Variants in GLRA1 observed in about 807,000 individuals in gnomAD.
GLRA1 encodes the protein glycine receptor subunit alpha-1.
In GLRA1, 37 loss-of-function variants were observed where a neutral mutation model predicts 48.3. That is an observed-to-expected ratio of 0.77 (90% CI 0.59 to 1.01). The LOEUF (loss-of-function observed/expected upper bound fraction) is 1.01. Ranked by LOEUF, GLRA1 falls within the 50% of genes least tolerant of loss-of-function variation. The pLI is 0.00. For synonymous variants in GLRA1, 196 were observed against 210.7 expected, an observed-to-expected ratio of 0.93 and a Z score of 0.60; for missense variants, 427 against 571.0, an observed-to-expected ratio of 0.75 and a Z score of 2.57.
At chr5:151,857,552 G>A (rs1046635931) in intron 4 of GLRA1, among the ~76,000 whole-genome samples, 2 of 152,126 alleles carry the variant, frequency 1.3e-5, no homozygotes, top group African/African-American at 4.8e-5. Context: ...CACACACAGG[G>A]CTCATCAAAG....
chr5:151,851,832 G>A (rs1752921913), intron 6 of GLRA1, among the ~76,000 whole-genome samples: 1 of 152,136 alleles, frequency 6.6e-6, no homozygotes, highest in South Asian at 2.1e-4. Context: ...AGGATAAAAT[G>A]AGATGATGCT....
chr5:151,854,960 A>G (rs898198366), intron 6 of GLRA1, 80 bp downstream of exon 6: 31 of 1,416,078 alleles, frequency 2.2e-5, no homozygotes, highest in Non-Finnish European at 3.0e-5. Context: ...GATCTGTTGG[A>G]TCAATGATTG....
intron 7 of GLRA1, among the ~76,000 whole-genome samples, chr5:151,844,621 CA>C (rs202218874): frequency 3.3e-3 from 163 of 49,738 alleles, no homozygotes; most frequent in South Asian, 9.8e-3. Flanking sequence ...TACTCTATCT[CA>C]AAAAAAAAAA....
intron 1 of GLRA1, among the ~76,000 whole-genome samples, chr5:151,893,291 T>C (rs138665941): frequency 1.3e-5 from 1 of 79,746 alleles, no homozygotes; most frequent in Non-Finnish European, 2.7e-5. Flanking sequence ...CAACTTTCTT[T>C]CTTTCTTTCT....
chr5:151,826,161 A>G (rs574917736), intron 8 of GLRA1, among the ~76,000 whole-genome samples: 23 of 152,336 alleles, frequency 1.5e-4, no homozygotes, highest in South Asian at 4.1e-4. Context: ...TGCATTCCCT[A>G]CCTAAAGGCA....
intron 4 of GLRA1, among the ~76,000 whole-genome samples, chr5:151,856,950 T>C (rs866560546): frequency 5.3e-5 from 8 of 152,240 alleles, no homozygotes; most frequent in Non-Finnish European, 1.2e-4. Flanking sequence ...GCAGGAAGCA[T>C]GGTGGGAAGC....
intron 1 of GLRA1, among the ~76,000 whole-genome samples, chr5:151,913,939 C>T (rs1172434849): frequency 6.6e-6 from 1 of 152,058 alleles, no homozygotes; most frequent in Non-Finnish European, 1.5e-5. Context: ...TTATTAAAAC[C>T]ATTTAGGAGG....
rs1323847442 is a variant in GLRA1 at position 151,859,901 on chromosome 5, G to C, written c.360C>G (p.Ser120=). The part of the protein sequence containing the change: ...SLDLDPSMLD[S]IWKPDLFFAN... ...CAAAGAACAGGTCAGGTTTCCAGAT[G>C]GAGTCCAGCATGGATGGGTCCAGGT... Residue 120 remains serine, a synonymous_variant, in exon 4 of 9, where the codon TCC becomes TCG. Coordinates refer to ENST00000274576, the MANE Select transcript of GLRA1 (RefSeq NM_000171.4). 2 of 1,614,016 alleles carry C rather than the reference G, an allele frequency of 1.2e-6. No homozygotes were observed. The highest frequency in any genetic ancestry group is 4.5e-5 in the East Asian group (2 of 44,890).
chr5:151,912,262 G>T (rs200370262), intron 1 of GLRA1, among the ~76,000 whole-genome samples: 168 of 121,534 alleles, frequency 1.4e-3, no homozygotes, highest in Middle Eastern at 4.4e-3. Flanking sequence ...TGTGAAGACT[G>T]TTTTTTTTTT....
intron 1 of GLRA1, among the ~76,000 whole-genome samples, chr5:151,894,171 T>C (rs1290259922): frequency 6.6e-6 from 1 of 151,974 alleles, no homozygotes; most frequent in Non-Finnish European, 1.5e-5. Flanking sequence ...GTGTGTAAGG[T>C]GGAACCTTCT....
chr5:151,924,261 GA>G (rs1328949671), intron 1 of GLRA1, among the ~76,000 whole-genome samples: 2 of 143,046 alleles, frequency 1.4e-5, no homozygotes, highest in Non-Finnish European at 3.0e-5. Flanking sequence ...ACAGCTGCCA[GA>G]ACAGCGACTG....
At chr5:151,909,026 C>T (rs1478506334) in intron 1 of GLRA1, among the ~76,000 whole-genome samples, 1 of 152,158 alleles carries the variant, frequency 6.6e-6, no homozygotes, top group African/African-American at 2.4e-5. Context: ...ATAGTATTTT[C>T]CTCACAGGGT....
intron 1 of GLRA1, among the ~76,000 whole-genome samples, chr5:151,909,541 A>T (rs565480876): frequency 7.0e-4 from 106 of 152,320 alleles, no homozygotes; most frequent in Non-Finnish European, 1.3e-3. Flanking sequence ...AATCACTTGC[A>T]TGTCATATAA....
chr5:151,910,010 A>C (rs1754571269), intron 1 of GLRA1, among the ~76,000 whole-genome samples: 1 of 152,142 alleles, frequency 6.6e-6, no homozygotes, highest in Non-Finnish European at 1.5e-5. Flanking sequence ...CTGAGCACCC[A>C]ATTTTATAAT....
chr5:151,825,133 A>T (rs1763241049), intron 8 of GLRA1, among the ~76,000 whole-genome samples: 2 of 152,206 alleles, frequency 1.3e-5, no homozygotes, highest in Admixed American at 6.5e-5. Flanking sequence ...CTCAGTAAGT[A>T]CTTGTCTATG....
intron 1 of GLRA1, among the ~76,000 whole-genome samples, chr5:151,905,625 C>G (rs1405287255): frequency 2.0e-5 from 3 of 152,020 alleles, no homozygotes; most frequent in Non-Finnish European, 4.4e-5. Context: ...GGCAGAAAGG[C>G]CATAGCAGAG....
chr5:151,908,813 T>A (rs1357151619), intron 1 of GLRA1, among the ~76,000 whole-genome samples: 1 of 152,220 alleles, frequency 6.6e-6, no homozygotes, highest in African/African-American at 2.4e-5. Context: ...ATTGTGGCTG[T>A]GATTTGGGGT....
At chr5:151,884,256 C>T (rs1461597899) in intron 3 of GLRA1, among the ~76,000 whole-genome samples, 12 of 152,028 alleles carry the variant, frequency 7.9e-5, no homozygotes, top group Non-Finnish European at 1.5e-4. Flanking sequence ...TGGCGAAACC[C>T]CATCTCTATC....
rs900189503 is a variant in GLRA1 at position 151,851,466 on chromosome 5, G to A, written c.836C>T (p.Ala279Val). ...AGTGGTGATGCCTAGGCCCACACGA[G>A]CAGGTGCAGCATCCATGTTGATCCA... ...SFWINMDAAP[A>V]RVGLGITTVL... The change falls in exon 7 of 9, where the codon GCT (alanine) becomes GTT (valine). Residue 279 changes from alanine (A) to valine (V), a missense_variant. By Grantham distance (64) the Ala-to-Val change is moderately conservative. Transcript: ENST00000274576. 5 of 1,613,912 alleles carry A rather than the reference G, an allele frequency of 3.1e-6. No homozygotes were observed. In the African/African-American group the frequency reaches 6.7e-5, roughly 22 times the overall value.
Sources: gnomAD v4.1 joint callset for allele counts (sites outside exome capture counted in the v4.1 genomes callset) on GRCh38, gnomAD v4.1.1 for gene constraint, MANE v1.5 for transcripts, NCBI Gene and HGNC (gene_info 2026-07-23, HGNC 2026-07-21) for gene names.